Variants in LRRC7 observed in about 807,000 individuals in gnomAD.
LRRC7 encodes leucine-rich repeat-containing protein 7.
A neutral mutation model predicts 175.7 loss-of-function variants in LRRC7; 23 were observed. The ratio of observed to expected loss-of-function variants is 0.13; its 90% CI spans 0.09 to 0.19. The LOEUF (loss-of-function observed/expected upper bound fraction) is 0.19, where lower values mean the gene tolerates loss of function less well. LRRC7 is among the 10% of genes least tolerant of loss of function. LRRC7 has a pLI of 1.00. For missense variants in LRRC7, 1,354 were observed against 1,904.7 expected (o/e 0.71, Z 5.38); for synonymous variants, 685 against 680.9 (o/e 1.01, Z -0.09).
chr1:69,586,699 G>A (rs1028767601), intron 1 of LRRC7, among the ~76,000 whole-genome samples: 3 of 152,080 alleles, frequency 2.0e-5, no homozygotes, highest in African/African-American at 4.8e-5. Context: ...CATCAGTGTC[G>A]ATTTTGAAAA....
At chr1:69,922,616 A>T (rs1266140015) in intron 7 of LRRC7, among the ~76,000 whole-genome samples, 5 of 152,122 alleles carry the variant, frequency 3.3e-5, no homozygotes, top group African/African-American at 1.2e-4. Context: ...ATAAATGGGT[A>T]AAAAGCATAT....
At chr1:70,001,993 A>G (rs1443748205) in intron 11 of LRRC7, among the ~76,000 whole-genome samples, 3 of 152,164 alleles carry the variant, frequency 2.0e-5, no homozygotes, top group Non-Finnish European at 2.9e-5. Context: ...ACTGAACTAT[A>G]TGTGATGCGT....
chr1:69,850,838 A>G (rs942713847), intron 7 of LRRC7, among the ~76,000 whole-genome samples: 4 of 152,174 alleles, frequency 2.6e-5, no homozygotes, highest in African/African-American at 9.6e-5. Flanking sequence ...CTAGATACAT[A>G]AATCATCTGC....
At chr1:69,938,480 G>T (rs2025895) in intron 8 of LRRC7, among the ~76,000 whole-genome samples, 54,841 of 151,848 alleles carry the variant, frequency 0.36, 12,132 homozygotes, top group East Asian at 0.55. Context: ...AAATTTCAAA[G>T]AAATGAATTA....
At chr1:69,916,888 A>C (rs528865457) in intron 7 of LRRC7, among the ~76,000 whole-genome samples, 12 of 152,300 alleles carry the variant, frequency 7.9e-5, no homozygotes, top group Admixed American at 7.2e-4. Flanking sequence ...ATAGGGTAAT[A>C]TATAAAATGA....
chr1:69,580,548 A>G (rs1646154435), intron 1 of LRRC7, among the ~76,000 whole-genome samples: 1 of 152,204 alleles, frequency 6.6e-6, no homozygotes, highest in Non-Finnish European at 1.5e-5. Flanking sequence ...AAACAAATCA[A>G]AGACACTAGG....
At chr1:69,825,642 A>G in intron 4 of LRRC7, 106 bp from the exon 5 acceptor site, 1 of 630,780 alleles carries the variant, frequency 1.6e-6, no homozygotes. Flanking sequence ...TGGTGTTTAC[A>G]TCATGTACTG....
intron 1 of LRRC7, among the ~76,000 whole-genome samples, chr1:69,628,964 T>C (rs1400457234): frequency 6.6e-6 from 1 of 152,038 alleles, no homozygotes; most frequent in Non-Finnish European, 1.5e-5. Flanking sequence ...TCACAAAAAA[T>C]AGCTCAAAAT....
At chr1:69,574,835 A>G (rs191234315) in intron 1 of LRRC7, among the ~76,000 whole-genome samples, 1 of 152,022 alleles carries the variant, frequency 6.6e-6, no homozygotes, top group Non-Finnish European at 1.5e-5. Context: ...GTGTAATTCA[A>G]GACATGAAAA....
chr1:69,673,039 A>G (rs1659307161), intron 1 of LRRC7, among the ~76,000 whole-genome samples: 9 of 152,186 alleles, frequency 5.9e-5, no homozygotes, highest in Admixed American at 5.9e-4. Flanking sequence ...CACCTGAATG[A>G]ATTCAATGGA....
chr1:69,592,670 A>G (rs1646686288), intron 1 of LRRC7, among the ~76,000 whole-genome samples: 1 of 152,114 alleles, frequency 6.6e-6, no homozygotes, highest in Non-Finnish European at 1.5e-5. Flanking sequence ...AGGAGTAGAA[A>G]TGCTAAGCCT....
chr1:69,943,623 A>C (rs2101804126), intron 8 of LRRC7, among the ~76,000 whole-genome samples: 1 of 152,174 alleles, frequency 6.6e-6, no homozygotes, highest in Non-Finnish European at 1.5e-5. Context: ...AATCTTATAA[A>C]ATAAAACAAT....
intron 25 of LRRC7, among the ~76,000 whole-genome samples, chr1:70,106,866 A>G (rs1665181065): frequency 6.6e-6 from 1 of 152,316 alleles, no homozygotes; most frequent in South Asian, 2.1e-4. Flanking sequence ...GCTATCAGGT[A>G]TCTTCTCCTC....
At chr1:69,797,030 G>C (rs1675869952) in intron 4 of LRRC7, among the ~76,000 whole-genome samples, 1 of 151,996 alleles carries the variant, frequency 6.6e-6, no homozygotes, top group Non-Finnish European at 1.5e-5. Context: ...TTATTTCTCT[G>C]TTTGGAACTA....
intron 1 of LRRC7, among the ~76,000 whole-genome samples, chr1:69,637,751 A>G (rs1449315246): frequency 6.6e-6 from 1 of 151,954 alleles, no homozygotes; most frequent in East Asian, 1.9e-4. Context: ...ATTTTACTTA[A>G]TTACACAGAA....
At chr1:69,976,644 T>C (rs1557949031) in intron 8 of LRRC7, among the ~76,000 whole-genome samples, 1 of 152,230 alleles carries the variant, frequency 6.6e-6, no homozygotes, top group Non-Finnish European at 1.5e-5. Flanking sequence ...CTGGACACCT[T>C]TCCTGTGTAG....
chr1:70,000,464 C>G (rs1158741779), intron 11 of LRRC7, among the ~76,000 whole-genome samples: 1 of 152,134 alleles, frequency 6.6e-6, no homozygotes, highest in East Asian at 1.9e-4. Context: ...AATGGTCACA[C>G]GGTGATGAAA....
intron 1 of LRRC7, among the ~76,000 whole-genome samples, chr1:69,620,159 T>C (rs1335108158): frequency 6.6e-6 from 1 of 152,106 alleles, no homozygotes; most frequent in East Asian, 1.9e-4. Context: ...ATTAAAGAAA[T>C]TTGCAACATT....
chr1:69,577,787 G>A (rs1446632208), intron 1 of LRRC7, among the ~76,000 whole-genome samples: 1 of 152,146 alleles, frequency 6.6e-6, no homozygotes, highest in Admixed American at 6.5e-5. Flanking sequence ...CTGTAGCCTT[G>A]TAGTATAGTT....
Sources: gnomAD v4.1 joint callset for allele counts (sites outside exome capture counted in the v4.1 genomes callset) on GRCh38, gnomAD v4.1.1 for gene constraint, MANE v1.5 for transcripts, NCBI Gene and HGNC (gene_info 2026-07-23, HGNC 2026-07-21) for gene names.